The following CTNNA2 variants were observed in gnomAD, a reference collection of about 807,000 sequenced individuals.
CTNNA2 encodes the protein catenin alpha-2.
A neutral mutation model predicts 101.0 loss-of-function variants in CTNNA2; 42 were observed. That is an observed-to-expected ratio of 0.42 (90% CI 0.32 to 0.54). The LOEUF (loss-of-function observed/expected upper bound fraction) is 0.54, where lower values mean the gene tolerates loss of function less well. Among genes scored for constraint, CTNNA2 ranks in the 20% least tolerant of loss-of-function variants. The probability of loss-of-function intolerance (pLI) is 0.14; values close to 1 mark genes in which losing one functional copy is unlikely to be tolerated. For synonymous variants in CTNNA2, 450 were observed against 456.4 expected (o/e 0.99, Z 0.18); for missense variants, 871 against 1,223.1 (o/e 0.71, Z 4.29).
intron 4 of CTNNA2, among the ~76,000 whole-genome samples, chr2:79,409,048 A>C (rs991135905): frequency 1.2e-4 from 19 of 152,244 alleles, no homozygotes; most frequent in African/African-American, 4.6e-4. Context: ...TCTGATGGTC[A>C]GTGATGGTGA....
chr2:79,719,221 A>G (rs965799828), intron 2 of CTNNA2, among the ~76,000 whole-genome samples: 2 of 152,046 alleles, frequency 1.3e-5, no homozygotes, highest in Non-Finnish European at 1.5e-5. Flanking sequence ...CCAGCTCTAT[A>G]CATGTTGCTT....
chr2:79,237,015 A>G (rs1674565908), intron 2 of CTNNA2, among the ~76,000 whole-genome samples: 1 of 152,230 alleles, frequency 6.6e-6, no homozygotes, highest in Non-Finnish European at 1.5e-5. Context: ...TCTTAATGGC[A>G]TCTAAAATGG....
chr2:80,205,265 G>C (rs1278645466), intron 7 of CTNNA2, among the ~76,000 whole-genome samples: 1 of 151,890 alleles, frequency 6.6e-6, no homozygotes, highest in East Asian at 1.9e-4. Context: ...CCCAACACCT[G>C]AATAATGAAA....
intron 7 of CTNNA2, among the ~76,000 whole-genome samples, chr2:80,373,472 C>G (rs1241368712): frequency 6.6e-6 from 1 of 152,140 alleles, no homozygotes; most frequent in South Asian, 2.1e-4. Context: ...TCAAAAGCAC[C>G]TGCAAGCTTT....
At chr2:79,562,277 C>T (rs545533878) in intron 1 of CTNNA2, among the ~76,000 whole-genome samples, 1 of 151,974 alleles carries the variant, frequency 6.6e-6, no homozygotes, top group South Asian at 2.1e-4. Context: ...GTCTGTGTGT[C>T]TATCCTTATA....
At chr2:80,382,323 A>C (rs1676586861) in intron 7 of CTNNA2, among the ~76,000 whole-genome samples, 2 of 152,130 alleles carry the variant, frequency 1.3e-5, no homozygotes, top group Admixed American at 1.3e-4. Flanking sequence ...ATGGTCTGAC[A>C]CTTTCCTATC....
intron 2 of CTNNA2, among the ~76,000 whole-genome samples, chr2:79,288,574 C>T (rs950713189): frequency 2.6e-5 from 4 of 152,148 alleles, no homozygotes; most frequent in Admixed American, 1.3e-4. Flanking sequence ...TTCTCTCTCT[C>T]TCCCTCTCTC....
chr2:79,781,514 G>A (rs1558924212), intron 3 of CTNNA2, among the ~76,000 whole-genome samples: 3 of 152,268 alleles, frequency 2.0e-5, no homozygotes, highest in South Asian at 2.1e-4. Flanking sequence ...AGGAGCTTTA[G>A]TGTATAGCCC....
intron 2 of CTNNA2, among the ~76,000 whole-genome samples, chr2:79,304,954 A>G (rs1676198899): frequency 6.6e-6 from 1 of 152,146 alleles, no homozygotes; most frequent in African/African-American, 2.4e-5. Context: ...AAAATATTCA[A>G]TGAGATCTTC....
rs1416271114 is a variant in CTNNA2 at position 80,302,716 on chromosome 2, C to T, written c.1057-90495C>T. Reference sequence around the variant, plus strand: ...CCGAGAGCAGGTGGCCGCTGGTGGGCTCGGCCCCATCCTCGCACAGGTGGA... The same window carrying T: ...CCGAGAGCAGGTGGCCGCTGGTGGGTTCGGCCCCATCCTCGCACAGGTGGA... On this transcript the variant is annotated intron_variant, in intron 7 of 18. Coordinates refer to ENST00000402739, the MANE Select transcript of CTNNA2 (RefSeq NM_001282597.3). The surrounding 1 kb of genome is among the most constrained non-coding windows in gnomAD (Gnocchi z 6.4). The T allele has an allele frequency of 2.5e-6, 4 of 1,612,738 alleles. No homozygotes were observed. The highest frequency in any genetic ancestry group is 3.4e-6 in the Non-Finnish European group (4 of 1,179,822).
chr2:80,231,094 C>T (rs1236981679), intron 7 of CTNNA2, among the ~76,000 whole-genome samples: 1 of 152,090 alleles, frequency 6.6e-6, no homozygotes, highest in Non-Finnish European at 1.5e-5. Context: ...GCCTCGGCCT[C>T]CCAAGTAGCT....
At chr2:80,350,644 C>A (rs1035391457) in intron 7 of CTNNA2, among the ~76,000 whole-genome samples, 1 of 152,102 alleles carries the variant, frequency 6.6e-6, no homozygotes, top group African/African-American at 2.4e-5. Flanking sequence ...AAATATTTTT[C>A]TACCTAGGAT....
rs539803570 is a variant in CTNNA2, at chr2:79,966,330, G to A, written c.1056+56533G>A. On this transcript the variant is annotated intron_variant, in intron 7 of 18. Coordinates refer to ENST00000402739, the MANE Select transcript of CTNNA2 (RefSeq NM_001282597.3). ...GGCTCACTGCAGCCTTGAACCATGG[G>A]GCTCAAGCGATCCTCCCACCTCAGC... Among the ~76,000 whole-genome samples, 3 of 152,154 alleles carry A rather than the reference G, an allele frequency of 2.0e-5. No individual in the cohort carries two copies. The South Asian group carries it at 6.2e-4, about 32-fold the overall frequency.
chr2:80,432,740 G>A (rs1465780435), intron 9 of CTNNA2, among the ~76,000 whole-genome samples: 1 of 152,110 alleles, frequency 6.6e-6, no homozygotes, highest in African/African-American at 2.4e-5. Context: ...TGATAGGAGG[G>A]GAATCCAAGA....
At chr2:79,664,914 T>C (rs1682302719) in intron 2 of CTNNA2, among the ~76,000 whole-genome samples, 1 of 152,068 alleles carries the variant, frequency 6.6e-6, no homozygotes, top group Non-Finnish European at 1.5e-5. Context: ...GGTTTCACCA[T>C]GTTAGCCAAG....
intron 7 of CTNNA2, chr2:80,029,640 A>ATTTTTTTTTT (rs78417534): frequency 7.8e-6 from 1 of 127,914 alleles, no homozygotes. Context: ...ACAGCCTGGG[A>ATTTTTTTTTT]TTTTTTTTTT....
At chr2:79,693,588 C>A (rs1264563252) in intron 2 of CTNNA2, among the ~76,000 whole-genome samples, 1 of 151,772 alleles carries the variant, frequency 6.6e-6, no homozygotes, top group Admixed American at 6.6e-5. Context: ...ATCACTGGAA[C>A]AATGTCCTTG....
intron 4 of CTNNA2, among the ~76,000 whole-genome samples, chr2:79,377,307 T>C (rs539696767): frequency 6.6e-6 from 1 of 152,320 alleles, no homozygotes; most frequent in African/African-American, 2.4e-5. Flanking sequence ...CATAAAGTTG[T>C]GTCTCCTAAC....
intron 7 of CTNNA2, among the ~76,000 whole-genome samples, chr2:80,275,798 A>G (rs1673857495): frequency 6.6e-6 from 1 of 152,216 alleles, no homozygotes; most frequent in Non-Finnish European, 1.5e-5. Context: ...AAGCAAAACT[A>G]ATTGCTTAAA....
Sources: allele counts gnomAD v4.1 joint callset (sites outside exome capture counted in the v4.1 genomes callset), GRCh38; gene constraint gnomAD v4.1.1; non-coding constraint Gnocchi (gnomAD v3.1); transcripts MANE v1.5; gene names NCBI Gene and HGNC (gene_info 2026-07-23, HGNC 2026-07-21).